PRKG1: variants seen among roughly 807,000 people sequenced by gnomAD.
PRKG1 encodes the protein protein kinase cGMP-dependent 1.
Under a neutral mutation model 88.1 loss-of-function variants are expected in PRKG1, and 35 were observed. That is an observed-to-expected ratio of 0.40 (90% CI 0.30 to 0.53). The LOEUF (loss-of-function observed/expected upper bound fraction) is 0.53. Ranked by LOEUF, PRKG1 falls within the 20% of genes least tolerant of loss-of-function variation. PRKG1 has a pLI of 0.59. For missense variants in PRKG1, 540 were observed against 839.8 expected (o/e 0.64, Z 4.41); for synonymous variants, 303 against 292.5 (o/e 1.04, Z -0.37).
At chr10:51,428,362 G>C (rs1021112371) in intron 2 of PRKG1, among the ~76,000 whole-genome samples, 5 of 152,068 alleles carry the variant, frequency 3.3e-5, no homozygotes, top group African/African-American at 1.2e-4. Flanking sequence ...TAGCTTCTTG[G>C]AAAGTTGAAT....
At chr10:52,042,840 G>A (rs1256781086) in intron 5 of PRKG1, among the ~76,000 whole-genome samples, 3 of 152,022 alleles carry the variant, frequency 2.0e-5, no homozygotes, top group Non-Finnish European at 4.4e-5. Flanking sequence ...GGGCATTAAT[G>A]TCTGGTCTAT....
At chr10:51,872,134 T>G (rs1564686453) in intron 4 of PRKG1, among the ~76,000 whole-genome samples, 1 of 152,196 alleles carries the variant, frequency 6.6e-6, no homozygotes, top group African/African-American at 2.4e-5. Flanking sequence ...GAAGTCTAGA[T>G]TCATTTCACA....
At chr10:52,291,259 T>TA (rs1372380205) in intron 17 of PRKG1, among the ~76,000 whole-genome samples, 1 of 150,780 alleles carries the variant, frequency 6.6e-6, no homozygotes, top group Non-Finnish European at 1.5e-5. Flanking sequence ...TTTTTATTTT[T>TA]TTATTATTAT....
intron 9 of PRKG1, among the ~76,000 whole-genome samples, chr10:52,246,689 C>A (rs1841031766): frequency 1.3e-5 from 2 of 151,850 alleles, no homozygotes; most frequent in African/African-American, 4.8e-5. Context: ...CCAGCCTGAC[C>A]AACATGGTGA....
chr10:52,076,513 T>C (rs558965717), intron 7 of PRKG1, among the ~76,000 whole-genome samples: 62 of 152,240 alleles, frequency 4.1e-4, no homozygotes, highest in African/African-American at 1.0e-3. Context: ...GCTGAGACCA[T>C]GCCACTGCAC....
chr10:51,163,861 C>T (rs964827277), intron 2 of PRKG1, among the ~76,000 whole-genome samples: 3 of 152,214 alleles, frequency 2.0e-5, no homozygotes, highest in African/African-American at 4.8e-5. Flanking sequence ...CTGCCATTGC[C>T]CAGGCTCGCT....
At chr10:51,274,301 A>G (rs1840058489) in intron 2 of PRKG1, among the ~76,000 whole-genome samples, 2 of 152,158 alleles carry the variant, frequency 1.3e-5, no homozygotes, top group East Asian at 1.9e-4. Flanking sequence ...TAGATCCTGT[A>G]GACTTCTGAG....
intron 5 of PRKG1, among the ~76,000 whole-genome samples, chr10:51,961,480 C>T (rs1843447263): frequency 6.6e-6 from 1 of 152,158 alleles, no homozygotes; most frequent in African/African-American, 2.4e-5. Flanking sequence ...TATATGGTTG[C>T]AGGAGTAATT....
intron 1 of PRKG1, among the ~76,000 whole-genome samples, chr10:51,002,553 A>ACAC (rs1220234189): frequency 6.6e-6 from 1 of 152,194 alleles, no homozygotes; most frequent in Non-Finnish European, 1.5e-5. Flanking sequence ...GGCTTATACC[A>ACAC]CACAGGGTTA....
At chr10:51,192,062 A>G (rs1837644811) in intron 2 of PRKG1, among the ~76,000 whole-genome samples, 1 of 151,756 alleles carries the variant, frequency 6.6e-6, no homozygotes, top group South Asian at 2.1e-4. Flanking sequence ...GACTAGAGCC[A>G]TGCACATATG....
chr10:51,477,330 G>A (rs966276054), intron 3 of PRKG1, among the ~76,000 whole-genome samples: 1 of 150,092 alleles, frequency 6.7e-6, no homozygotes, highest in African/African-American at 2.5e-5. Context: ...AAACTAGATC[G>A]AGACAAATAG....
intron 3 of PRKG1, among the ~76,000 whole-genome samples, chr10:51,622,116 A>G (rs1477479826): frequency 6.6e-6 from 1 of 152,184 alleles, no homozygotes; most frequent in Non-Finnish European, 1.5e-5. Context: ...CTTTCAGGTA[A>G]TATGCACCCT....
intron 1 of PRKG1, among the ~76,000 whole-genome samples, chr10:51,061,756 G>T (rs540385395): frequency 6.6e-6 from 1 of 152,194 alleles, no homozygotes; most frequent in African/African-American, 2.4e-5. Context: ...ACTATATAGA[G>T]TTATTAATTT....
chr10:51,245,961 T>G (rs575186528), intron 2 of PRKG1, among the ~76,000 whole-genome samples: 1 of 152,170 alleles, frequency 6.6e-6, no homozygotes, highest in African/African-American at 2.4e-5. Context: ...CAATCCAGAA[T>G]GGCTTGAGCA....
chr10:52,062,057 G>A (rs536046483), intron 6 of PRKG1, among the ~76,000 whole-genome samples: 4 of 152,052 alleles, frequency 2.6e-5, no homozygotes, highest in East Asian at 1.9e-4. Context: ...AAACTCATAC[G>A]TTAAAATGAA....
At chr10:51,368,777 A>T (rs1842640913) in intron 2 of PRKG1, among the ~76,000 whole-genome samples, 1 of 152,218 alleles carries the variant, frequency 6.6e-6, no homozygotes. Flanking sequence ...TCGTTTTGCC[A>T]CACTGGAGAA....
intron 3 of PRKG1, among the ~76,000 whole-genome samples, chr10:51,489,096 C>G (rs909630523): frequency 6.6e-6 from 1 of 152,124 alleles, no homozygotes; most frequent in Non-Finnish European, 1.5e-5. Flanking sequence ...GAATGTCTTT[C>G]TAGGCATTTT....
intron 5 of PRKG1, among the ~76,000 whole-genome samples, chr10:51,952,010 C>A (rs1054668564): frequency 6.6e-6 from 1 of 152,156 alleles, no homozygotes; most frequent in Non-Finnish European, 1.5e-5. Context: ...CATTTGTTAA[C>A]ATATTTTCTG....
intron 8 of PRKG1, among the ~76,000 whole-genome samples, chr10:52,142,618 A>C (rs1002941508): frequency 1.3e-5 from 2 of 152,198 alleles, no homozygotes; most frequent in African/African-American, 2.4e-5. Context: ...ATGACTCTTC[A>C]AATGGATAAG....
Sources: gnomAD v4.1 joint callset for allele counts (sites outside exome capture counted in the v4.1 genomes callset) on GRCh38, gnomAD v4.1.1 for gene constraint, MANE v1.5 for transcripts, NCBI Gene and HGNC (gene_info 2026-07-23, HGNC 2026-07-21) for gene names.